FBXL17: variants seen among roughly 807,000 people sequenced by gnomAD.
FBXL17 encodes the protein F-box and leucine rich repeat protein 17.
A neutral mutation model predicts 66.2 loss-of-function variants in FBXL17; 22 were observed. The observed-to-expected ratio is 0.33, with a 90% CI of 0.24 to 0.47. The LOEUF (loss-of-function observed/expected upper bound fraction) is 0.47. Ranked by LOEUF, FBXL17 falls within the 20% of genes least tolerant of loss-of-function variation. The pLI is 1.00. For synonymous variants in FBXL17, 474 were observed against 400.5 expected (o/e 1.18, Z -2.19); for missense variants, 878 against 948.2 (o/e 0.93, Z 0.97).
At chr5:108,380,441 CTAA>C (rs1016239584) in intron 1 of FBXL17, among the ~76,000 whole-genome samples, 5 of 152,170 alleles carry the variant, frequency 3.3e-5, no homozygotes, top group Non-Finnish European at 5.9e-5. Flanking sequence ...GGTTGGGATT[CTAA>C]TAATAGCTGA....
chr5:108,044,793 T>A (rs1346721369), intron 6 of FBXL17, among the ~76,000 whole-genome samples: 23 of 152,112 alleles, frequency 1.5e-4, no homozygotes, highest in Non-Finnish European at 4.4e-5. Flanking sequence ...ATTTTTTTTT[T>A]AAATTATCGA....
At chr5:108,178,403 CTA>C (rs1752878175) in intron 6 of FBXL17, among the ~76,000 whole-genome samples, 2 of 151,986 alleles carry the variant, frequency 1.3e-5, no homozygotes, top group Admixed American at 1.3e-4. Context: ...CAATATCAAA[CTA>C]TCTTTCTAGG....
chr5:107,980,664 A>ATATATTTTTTTTTT, intron 7 of FBXL17, among the ~76,000 whole-genome samples: 3 of 62,074 alleles, frequency 4.8e-5, no homozygotes, highest in African/African-American at 1.0e-4. Context: ...ATATATATAT[A>ATATATTTTTTTTTT]TTTTTTTTTT....
intron 4 of FBXL17, among the ~76,000 whole-genome samples, chr5:108,258,827 A>G (rs1706684590): frequency 6.6e-6 from 1 of 150,890 alleles, no homozygotes; most frequent in South Asian, 2.1e-4. Context: ...TACCCAGGAT[A>G]TATTGCTGAA....
chr5:108,371,034 G>A (rs1749006031), intron 1 of FBXL17, among the ~76,000 whole-genome samples: 1 of 152,018 alleles, frequency 6.6e-6, no homozygotes, highest in Non-Finnish European at 1.5e-5. Flanking sequence ...TGCACAGGAG[G>A]TAAAAATCAA....
chr5:108,287,203 T>C (rs558400369), intron 4 of FBXL17, among the ~76,000 whole-genome samples: 2 of 152,070 alleles, frequency 1.3e-5, no homozygotes, highest in South Asian at 2.1e-4. Context: ...ATTTTGGACA[T>C]AGGACCTGGC....
At chr5:108,293,787 TC>T (rs888330825) in intron 4 of FBXL17, among the ~76,000 whole-genome samples, 1 of 152,062 alleles carries the variant, frequency 6.6e-6, no homozygotes, top group African/African-American at 2.4e-5. Flanking sequence ...ATGCCTGTAA[TC>T]CCATTACTTT....
intron 4 of FBXL17, among the ~76,000 whole-genome samples, chr5:108,334,906 A>G (rs1275199634): frequency 6.6e-6 from 1 of 152,206 alleles, no homozygotes; most frequent in Non-Finnish European, 1.5e-5. Context: ...GGGTACTGCC[A>G]TTCACTGTCT....
chr5:108,298,723 C>A, intron 4 of FBXL17: 2 of 764,378 alleles, frequency 2.6e-6, no homozygotes, highest in South Asian at 1.2e-4. Context: ...CTTATAATTC[C>A]TAATTCAATT....
At chr5:107,918,577 G>A (rs1750210117) in intron 7 of FBXL17, among the ~76,000 whole-genome samples, 1 of 152,160 alleles carries the variant, frequency 6.6e-6, no homozygotes, top group South Asian at 2.1e-4. Flanking sequence ...ATATGGATAA[G>A]TTTGCATTCA....
At chr5:107,961,497 G>C (rs920162090) in intron 7 of FBXL17, among the ~76,000 whole-genome samples, 1 of 152,092 alleles carries the variant, frequency 6.6e-6, no homozygotes, top group Non-Finnish European at 1.5e-5. Flanking sequence ...AAAGTGCTAG[G>C]AATACAGGTG....
At chr5:107,987,668 A>G (rs1169499952) in intron 7 of FBXL17, among the ~76,000 whole-genome samples, 1 of 152,018 alleles carries the variant, frequency 6.6e-6, no homozygotes, top group South Asian at 2.1e-4. Context: ...ACTATTTTTA[A>G]TCGATGTTTA....
chr5:108,249,792 C>A (rs1462230779), intron 4 of FBXL17, among the ~76,000 whole-genome samples: 7 of 152,186 alleles, frequency 4.6e-5, no homozygotes, highest in Admixed American at 2.6e-4. Context: ...GGTTACCTGA[C>A]CACAATTAGA....
intron 7 of FBXL17, among the ~76,000 whole-genome samples, chr5:107,965,458 A>G (rs776929209): frequency 6.6e-6 from 1 of 152,280 alleles, no homozygotes; most frequent in Non-Finnish European, 1.5e-5. Context: ...TTCGATTTAT[A>G]AAAATGAATT....
chr5:108,189,670 C>T (rs544889818), intron 5 of FBXL17, among the ~76,000 whole-genome samples: 1 of 152,276 alleles, frequency 6.6e-6, no homozygotes, highest in African/African-American at 2.4e-5. Context: ...AATTATGGTT[C>T]CTGATTAGTT....
At chr5:108,118,748 A>C (rs1479400445) in intron 6 of FBXL17, among the ~76,000 whole-genome samples, 3 of 151,918 alleles carry the variant, frequency 2.0e-5, no homozygotes, top group Non-Finnish European at 4.4e-5. Flanking sequence ...ACTCCTACTT[A>C]CCTCTCTAGA....
At position 108,366,951 on chromosome 5, in the gene FBXL17, CTT is replaced by C. The variant is rs1748706989; in HGVS notation, c.1116+878_1116+879del. Among the ~76,000 whole-genome samples the C allele has an allele frequency of 2.0e-5, 3 of 152,136 alleles. No individual in the cohort carries two copies. In the South Asian group the frequency reaches 6.2e-4, roughly 32 times the overall value. On this transcript the variant is annotated intron_variant, in intron 2 of 8. Transcript: ENST00000542267. ...TCACAAGAGTTTATAGTGTGCCCCT[CTT>C]TTCAAATCTGCATTCAATGGCATAA...
chr5:108,087,143 C>T (rs543080281), intron 6 of FBXL17, among the ~76,000 whole-genome samples: 1 of 152,352 alleles, frequency 6.6e-6, no homozygotes, highest in South Asian at 2.1e-4. Context: ...TACCCAACCT[C>T]TGAGCCTCTG....
At chr5:107,883,375 C>T (rs1038029344) in intron 7 of FBXL17, among the ~76,000 whole-genome samples, 9 of 152,174 alleles carry the variant, frequency 5.9e-5, no homozygotes, top group Admixed American at 3.3e-4. Flanking sequence ...ATAGGCCATG[C>T]CACCAGTGGT....
Sources: gnomAD v4.1 joint callset for allele counts (sites outside exome capture counted in the v4.1 genomes callset) on GRCh38, gnomAD v4.1.1 for gene constraint, MANE v1.5 for transcripts, NCBI Gene and HGNC (gene_info 2026-07-23, HGNC 2026-07-21) for gene names.